Variants in SOX13 observed in about 807,000 individuals in gnomAD.
SOX13 encodes the protein SRY-box transcription factor 13.
A neutral mutation model predicts 71.8 loss-of-function variants in SOX13; 28 were observed. That is an observed-to-expected ratio of 0.39 (90% CI 0.29 to 0.53). SOX13 has a LOEUF of 0.53. Among genes scored for constraint, SOX13 ranks in the 20% least tolerant of loss-of-function variants. SOX13 has a pLI of 0.70. For synonymous variants in SOX13, 309 were observed against 317.8 expected, an observed-to-expected ratio of 0.97 and a Z score of 0.29; for missense variants, 627 against 810.3, an observed-to-expected ratio of 0.77 and a Z score of 2.75.
At chr1:204,115,492 T>TAAAAAAA (rs71145062) in intron 4 of SOX13, among the ~76,000 whole-genome samples, 1 of 49,928 alleles carries the variant, frequency 2.0e-5, no homozygotes, top group Non-Finnish European at 3.6e-5. Flanking sequence ...TTTTTTTTTT[T>TAAAAAAA]AAAAAAAAAA....
intron 1 of SOX13, among the ~76,000 whole-genome samples, chr1:204,077,792 CTTTT>C: frequency 6.6e-6 from 1 of 152,134 alleles, no homozygotes; most frequent in East Asian, 1.9e-4. Flanking sequence ...TCGTGAATTA[CTTTT>C]GTTTGTTTGT....
In SOX13 at chr1:204,081,005, A is replaced by AG. The variant is rs1379909740; in HGVS notation, c.-2+7296dup. Among the ~76,000 whole-genome samples, 1 of 146,594 alleles carries AG rather than the reference A, an allele frequency of 6.8e-6. No homozygotes were observed. Among genetic ancestry groups the AG allele is most frequent in the Non-Finnish European group, 1.5e-5 (1 of 67,340 alleles). On this transcript the variant is annotated intron_variant, in intron 1 of 13. Transcript: ENST00000367204. This position sits in a 1 kb window ranked among gnomAD's most constrained non-coding sequence, Gnocchi z 4.3. ...CAGCTCACCGCAACATCCGCCTCCC[A>AG]GGTTCAAGCAATTCTCCTGCCTCAG...
intron 1 of SOX13, among the ~76,000 whole-genome samples, chr1:204,079,988 T>C (rs1655868995): frequency 6.6e-6 from 1 of 152,180 alleles, no homozygotes; most frequent in Non-Finnish European, 1.5e-5. Flanking sequence ...TGTGCACAGC[T>C]AGGAGACGTC....
rs79741123 is a variant in SOX13 at position 204,095,928 on chromosome 1, C to T, written c.-1-16987C>T. Reference sequence around the variant, plus strand: ...ATAAGTAGACACATACAATATTTGACCTTTTATGCCTGGCTTATTTCAGTT... The same window carrying T: ...ATAAGTAGACACATACAATATTTGATCTTTTATGCCTGGCTTATTTCAGTT... On this transcript the variant is annotated intron_variant, in intron 1 of 13. Coordinates refer to ENST00000367204, the MANE Select transcript of SOX13 (RefSeq NM_005686.3). 3.6e-4 allele frequency among the ~76,000 whole-genome samples: 55 copies of T among 152,258 alleles called. No individual in the cohort carries two copies. In the East Asian group the frequency reaches 0.01, roughly 29 times the overall value.
Position 204,081,857 on chromosome 1 carries a change from T to G in SOX13, c.-2+8146T>G. 6.8e-6 allele frequency among the ~76,000 whole-genome samples: 1 copy of G among 147,868 alleles called. No individual in the cohort carries two copies. Among genetic ancestry groups the G allele is most frequent in the East Asian group, 2.1e-4 (1 of 4,744 alleles). ...GAGGTTTTGGTTCTGGCCTGTTCCA[T>G]GAGGGTGGGGTAGGGTGGGGAAAGA... is the stretch of plus-strand genomic sequence containing the variant. On this transcript the variant is annotated intron_variant, in intron 1 of 13. Transcript: ENST00000367204. The surrounding 1 kb of genome is among the most constrained non-coding windows in gnomAD (Gnocchi z 4.3).
At position 204,127,145 on chromosome 1, in the gene SOX13, C is replaced by T. The variant is rs372709700; in HGVS notation, c.*1011C>T. The T allele has an allele frequency of 6.6e-6, 1 of 152,248 alleles. No individual in the cohort carries two copies. The highest frequency in any genetic ancestry group is 2.4e-5 in the African/African-American group (1 of 41,424). The allele number at this position is 152,248 out of a possible 1,614,324, so 9.4% of individuals were successfully genotyped here. On this transcript the variant is annotated 3_prime_UTR_variant, in exon 14 of 14. Coordinates refer to ENST00000367204, the MANE Select transcript of SOX13 (RefSeq NM_005686.3). ...CTCCAAGGGGCTTTGTCCTGGTGCC[C>T]CCGCCCCTGGTCCCAACCTGATCCC...
chr1:204,077,266 T>TA (rs1655803546), intron 1 of SOX13, among the ~76,000 whole-genome samples: 1 of 152,186 alleles, frequency 6.6e-6, no homozygotes, highest in Non-Finnish European at 1.5e-5. Flanking sequence ...AGCCTGGTAA[T>TA]ACTGGTTAGA....
Position 204,086,081 on chromosome 1 carries a change from G to A in SOX13, c.-2+12370G>A, listed in dbSNP as rs985609173. Among the ~76,000 whole-genome samples, 4 of 152,340 alleles carry A rather than the reference G, an allele frequency of 2.6e-5. No individual in the cohort carries two copies. The East Asian group carries it at 5.8e-4, about 22-fold the overall frequency. On this transcript the variant is annotated intron_variant, in intron 1 of 13. Coordinates refer to ENST00000367204, the MANE Select transcript of SOX13 (RefSeq NM_005686.3). ...GTGAAAGTATGAGTATGTGTCCTAA[G>A]TACATGTTTGTGAGCACAGCTGGAG...
chr1:204,082,135 G>A (rs1461809897), intron 1 of SOX13, among the ~76,000 whole-genome samples: 2 of 151,802 alleles, frequency 1.3e-5, no homozygotes, highest in African/African-American at 4.8e-5. Flanking sequence ...AGTGTGATGT[G>A]TGTGTGGGTG....
Position 204,117,629 on chromosome 1 carries a change from C to G in SOX13, c.697C>G (p.Pro233Ala), listed in dbSNP as rs1656721396. 1 of 1,613,554 alleles carries G rather than the reference C, an allele frequency of 6.2e-7. No individual in the cohort carries two copies. The highest frequency in any genetic ancestry group is 1.3e-5 in the African/African-American group (1 of 75,044). The change falls in exon 7 of 14, where the codon CCC (proline) becomes GCC (alanine). Residue 233 changes from proline (P) to alanine (A), a missense_variant. By Grantham distance (27) the Pro-to-Ala change is conservative. This residue lies in a region of SOX13 where 447 missense variants were observed against 532.2 expected (regional missense o/e 0.84). Transcript: ENST00000367204. Reference protein sequence around the residue: ...NMPYVMIPAFPPSHQPLPVTP... With the variant: ...NMPYVMIPAFAPSHQPLPVTP... ...GCCTTATGTCATGATCCCAGCCTTC[C>G]CCCCAAGCCACCAACCTCTGCCTGT...
intron 1 of SOX13, among the ~76,000 whole-genome samples, chr1:204,110,257 A>G (rs1656552952): frequency 6.6e-6 from 1 of 151,570 alleles, no homozygotes. Context: ...CCTCCTGAGT[A>G]GCGAGGACTA....
intron 1 of SOX13, among the ~76,000 whole-genome samples, chr1:204,106,517 A>ATTT (rs34769472): frequency 1.8e-4 from 25 of 140,054 alleles, no homozygotes; most frequent in African/African-American, 4.8e-4. Flanking sequence ...TCCAAAATAA[A>ATTT]TTTTTTTTTT....
intron 1 of SOX13, among the ~76,000 whole-genome samples, chr1:204,091,988 C>A (rs924536052): frequency 2.0e-5 from 3 of 152,052 alleles, no homozygotes; most frequent in African/African-American, 7.2e-5. Flanking sequence ...TCTGTCCTTT[C>A]TGTCTTCTTT....
intron 1 of SOX13, among the ~76,000 whole-genome samples, chr1:204,110,670 T>C (rs1241237982): frequency 2.0e-5 from 3 of 152,266 alleles, no homozygotes; most frequent in African/African-American, 7.2e-5. Context: ...ATTATAATGC[T>C]TATTTAAAAT....
chr1:204,097,449 T>C (rs1245124943), intron 1 of SOX13, among the ~76,000 whole-genome samples: 2 of 152,096 alleles, frequency 1.3e-5, no homozygotes, highest in Non-Finnish European at 2.9e-5. Context: ...CCCAGCACTT[T>C]GGGAGGCCGA....
At chr1:204,085,860 G>T (rs1243356839) in intron 1 of SOX13, among the ~76,000 whole-genome samples, 2 of 151,482 alleles carry the variant, frequency 1.3e-5, no homozygotes, top group Admixed American at 1.3e-4. Flanking sequence ...GGGGCCTGTA[G>T]TCCCAGCTAC....
At chr1:204,115,400 G>A (rs980415397) in intron 4 of SOX13, among the ~76,000 whole-genome samples, 1 of 144,666 alleles carries the variant, frequency 6.9e-6, no homozygotes, top group African/African-American at 2.6e-5. Flanking sequence ...CCCACCTATT[G>A]AATGGGAACC....
intron 1 of SOX13, among the ~76,000 whole-genome samples, chr1:204,088,442 G>T (rs1656069549): frequency 2.0e-5 from 3 of 152,164 alleles, no homozygotes; most frequent in Admixed American, 6.5e-5. Flanking sequence ...CAGGGGCTTT[G>T]TCCATATTTA....
At chr1:204,110,500 TATAA>T (rs1385438772) in intron 1 of SOX13, among the ~76,000 whole-genome samples, 1 of 152,080 alleles carries the variant, frequency 6.6e-6, no homozygotes, top group African/African-American at 2.4e-5. Context: ...GTTAATCATA[TATAA>T]ATAGTTTTTG....
Sources: gnomAD v4.1 joint callset for allele counts (sites outside exome capture counted in the v4.1 genomes callset) on GRCh38, gnomAD v4.1.1 for gene constraint, gnomAD v4.1.1 regional missense constraint, Gnocchi (gnomAD v3.1) non-coding constraint, MANE v1.5 for transcripts, NCBI Gene and HGNC (gene_info 2026-07-23, HGNC 2026-07-21) for gene names.